The following MPPED2 variants were observed in gnomAD, a reference collection of about 807,000 sequenced individuals.
The protein encoded by MPPED2 is metallophosphoesterase MPPED2.
A neutral mutation model predicts 33.0 loss-of-function variants in MPPED2; 5 were observed. That is an observed-to-expected ratio of 0.15 (90% CI 0.08 to 0.32). The LOEUF is 0.32. Ranked by LOEUF, MPPED2 falls within the 10% of genes least tolerant of loss-of-function variation. The probability of loss-of-function intolerance (pLI) is 1.00; values close to 1 mark genes in which losing one functional copy is unlikely to be tolerated. For missense variants in MPPED2, 275 were observed against 372.1 expected (o/e 0.74, Z 2.15); for synonymous variants, 136 against 141.9 (o/e 0.96, Z 0.29).
At chr11:30,391,013 G>A (rs1264855558) in intron 6 of MPPED2, among the ~76,000 whole-genome samples, 3 of 152,276 alleles carry the variant, frequency 2.0e-5, no homozygotes, top group East Asian at 3.9e-4. Context: ...CCTGACAGGA[G>A]AGTGGCAAAA....
intron 2 of MPPED2, among the ~76,000 whole-genome samples, chr11:30,548,309 G>T (rs998164786): frequency 2.0e-5 from 3 of 152,080 alleles, no homozygotes; most frequent in Non-Finnish European, 4.4e-5. Context: ...GAACTCCTGG[G>T]TTCCAGGGAT....
intron 3 of MPPED2, among the ~76,000 whole-genome samples, chr11:30,510,634 G>T (rs1953117188): frequency 6.6e-6 from 1 of 152,148 alleles, no homozygotes; most frequent in African/African-American, 2.4e-5. Context: ...ATTTTCCTCA[G>T]AGTGGAAGCT....
intron 5 of MPPED2, 28 bp downstream of exon 5, chr11:30,417,490 G>T: frequency 7.5e-7 from 1 of 1,337,468 alleles, no homozygotes. Context: ...GCATCTGGAT[G>T]ACAAAGGACA....
chr11:30,442,272 C>G (rs1949611316), intron 4 of MPPED2, among the ~76,000 whole-genome samples: 1 of 151,940 alleles, frequency 6.6e-6, no homozygotes, highest in African/African-American at 2.4e-5. Flanking sequence ...GAAATAGAGC[C>G]CAACTAATTA....
At chr11:30,569,222 A>T (rs1956586511) in intron 2 of MPPED2, among the ~76,000 whole-genome samples, 1 of 151,756 alleles carries the variant, frequency 6.6e-6, no homozygotes, top group Non-Finnish European at 1.5e-5. Flanking sequence ...GAGCAAACAG[A>T]CTCCCACGGG....
intron 3 of MPPED2, among the ~76,000 whole-genome samples, 173 bp from the exon 4 acceptor site, chr11:30,495,694 C>T (rs976794351): frequency 1.3e-5 from 2 of 152,078 alleles, no homozygotes; most frequent in African/African-American, 4.8e-5. Context: ...ACAAAAATGA[C>T]AATAACGGGA....
intron 4 of MPPED2, among the ~76,000 whole-genome samples, chr11:30,456,744 T>G (rs1275885499): frequency 2.0e-5 from 3 of 152,168 alleles, no homozygotes; most frequent in African/African-American, 7.2e-5. Flanking sequence ...TTCTCATGGG[T>G]ACAGAATATT....
chr11:30,399,765 C>T (rs1049032448), intron 6 of MPPED2, among the ~76,000 whole-genome samples: 2 of 152,036 alleles, frequency 1.3e-5, no homozygotes, highest in Non-Finnish European at 2.9e-5. Context: ...AAACTCTAAC[C>T]TTTAAGATTT....
intron 3 of MPPED2, 92 bp downstream of exon 3, chr11:30,535,902 G>T: frequency 9.3e-7 from 1 of 1,072,492 alleles, no homozygotes; most frequent in Non-Finnish European, 1.3e-6. Context: ...GGCTGAGCTG[G>T]CTTCCAAGTG....
intron 2 of MPPED2, among the ~76,000 whole-genome samples, chr11:30,542,836 T>A (rs949313810): frequency 6.6e-6 from 1 of 152,162 alleles, no homozygotes; most frequent in East Asian, 1.9e-4. Context: ...TTCAATTCAC[T>A]TATCTTTCCA....
intron 1 of MPPED2, among the ~76,000 whole-genome samples, chr11:30,581,380 G>A (rs537945163): frequency 6.6e-6 from 1 of 152,300 alleles, no homozygotes; most frequent in East Asian, 1.9e-4. Flanking sequence ...GCACTGGGTT[G>A]AGAAATGAAG....
chr11:30,585,547 G>A (rs1420667023), intron 1 of MPPED2, among the ~76,000 whole-genome samples: 1 of 152,082 alleles, frequency 6.6e-6, no homozygotes, highest in Non-Finnish European at 1.5e-5. Flanking sequence ...CATCACCCCG[G>A]GACTTTCTAG....
chr11:30,444,897 C>T (rs1042337417), intron 4 of MPPED2, among the ~76,000 whole-genome samples: 19 of 152,266 alleles, frequency 1.2e-4, no homozygotes, highest in South Asian at 4.1e-4. Context: ...GCATATTCTC[C>T]GATTTATTTC....
intron 3 of MPPED2, among the ~76,000 whole-genome samples, chr11:30,527,794 C>G (rs1565155132): frequency 1.3e-5 from 2 of 152,076 alleles, no homozygotes; most frequent in African/African-American, 4.8e-5. Context: ...CCAAGTTCTC[C>G]CCTCCCCCTG....
At chr11:30,388,761 C>A in exon 7 of MPPED2, 1 of 1,257,088 alleles carries the variant, frequency 8.0e-7, no homozygotes, top group Non-Finnish European at 1.0e-6. Context: ...TTTGTCTTCA[C>A]CAAGGAGAGG....
intron 2 of MPPED2, among the ~76,000 whole-genome samples, chr11:30,548,923 G>A (rs1955571468): frequency 1.3e-5 from 2 of 152,090 alleles, no homozygotes; most frequent in South Asian, 4.2e-4. Flanking sequence ...AAGCCAAATA[G>A]GAATGCATTA....
intron 4 of MPPED2, among the ~76,000 whole-genome samples, chr11:30,459,510 A>G (rs500600): frequency 0.6 from 91,139 of 152,088 alleles, 28,735 homozygotes; most frequent in African/African-American, 0.82. Context: ...TTCTGCAACT[A>G]CAAATGTTCA....
At chr11:30,545,543 G>GTGA (rs771696833) in intron 2 of MPPED2, among the ~76,000 whole-genome samples, 85 of 152,028 alleles carry the variant, frequency 5.6e-4, no homozygotes, top group Non-Finnish European at 1.3e-4. Flanking sequence ...TAGAGTAATA[G>GTGA]TGATGATGAT....
At chr11:30,437,399 T>C (rs558596209) in intron 4 of MPPED2, among the ~76,000 whole-genome samples, 191 of 152,334 alleles carry the variant, frequency 1.3e-3, no homozygotes, top group Non-Finnish European at 2.4e-3. Context: ...GTGTTGTCAT[T>C]GACTCTTAAG....
Sources: gnomAD v4.1 joint callset for allele counts (sites outside exome capture counted in the v4.1 genomes callset) on GRCh38, gnomAD v4.1.1 for gene constraint, MANE v1.5 for transcripts, NCBI Gene and HGNC (gene_info 2026-07-23, HGNC 2026-07-21) for gene names.